Variants in DRAM1 observed in about 807,000 individuals in gnomAD.
DRAM1 encodes the protein DNA damage-regulated autophagy modulator protein 1.
Under a neutral mutation model 28.5 loss-of-function variants are expected in DRAM1, and 25 were observed. The observed-to-expected ratio is 0.88, with a 90% CI of 0.64 to 1.23. DRAM1 has a LOEUF of 1.23. Among genes scored for constraint, DRAM1 ranks in the 50% most tolerant of loss-of-function variants. The pLI is 0.00. For missense variants in DRAM1, 249 were observed against 299.2 expected, an observed-to-expected ratio of 0.83 and a Z score of 1.24; for synonymous variants, 113 against 114.2, an observed-to-expected ratio of 0.99 and a Z score of 0.07.
At chr12:101,885,988 T>C (rs1283923964) in intron 1 of DRAM1, among the ~76,000 whole-genome samples, 1 of 152,206 alleles carries the variant, frequency 6.6e-6, no homozygotes, top group Non-Finnish European at 1.5e-5. Context: ...ATTGGTTGAA[T>C]GTTGAACAAG....
At position 101,923,497 on chromosome 12, in the gene DRAM1, C is replaced by CATGA. The variant is rs1159840323; in HGVS notation, c.*2251_*2254dup. The CATGA allele has an allele frequency of 6.6e-6, 1 of 152,156 alleles. No individual in the cohort carries two copies. Among genetic ancestry groups the CATGA allele is most frequent in the African/African-American group, 2.4e-5 (1 of 41,426 alleles). The allele number at this position is 152,156 out of a possible 1,614,324, so 9.4% of individuals were successfully genotyped here. A position where few individuals can be genotyped will look rare whatever the true frequency, so the allele number is the denominator to read the frequency against. Reference sequence around the variant, plus strand: ...GAGCTTAAGAAATACTCACTGAATGCATGAATGAATGAATGAACAAATGAA... The same window carrying CATGA: ...GAGCTTAAGAAATACTCACTGAATGCATGAATGAATGAATGAATGAACAAATGAA... On this transcript the variant is annotated 3_prime_UTR_variant, in exon 7 of 7. Coordinates refer to ENST00000258534, the MANE Select transcript of DRAM1 (RefSeq NM_018370.3).
chr12:101,895,468 A>G (rs1873324878), intron 1 of DRAM1, among the ~76,000 whole-genome samples: 1 of 151,006 alleles, frequency 6.6e-6, no homozygotes, highest in African/African-American at 2.4e-5. Context: ...ATGAGCCACT[A>G]TACCCAGCCT....
chr12:101,886,945 A>G (rs1440787567), intron 1 of DRAM1, among the ~76,000 whole-genome samples: 2 of 152,152 alleles, frequency 1.3e-5, no homozygotes, highest in African/African-American at 4.8e-5. Context: ...CAGGAGTTCA[A>G]TACCAGCCTG....
chr12:101,888,594 A>C (rs369150300), intron 1 of DRAM1, among the ~76,000 whole-genome samples: 85 of 152,184 alleles, frequency 5.6e-4, no homozygotes, highest in African/African-American at 1.9e-3. Context: ...GTTCAGCCTG[A>C]GTCTACTGTA....
chr12:101,905,263 T>G (rs146408651), intron 3 of DRAM1, among the ~76,000 whole-genome samples: 20 of 152,276 alleles, frequency 1.3e-4, no homozygotes, highest in African/African-American at 3.6e-4. Flanking sequence ...TCTTATTTAT[T>G]TATTTATTTG....
At chr12:101,904,192 A>G (rs181716344) in intron 3 of DRAM1, among the ~76,000 whole-genome samples, 3 of 151,942 alleles carry the variant, frequency 2.0e-5, no homozygotes, top group Non-Finnish European at 2.9e-5. Context: ...GCGTTTCGCC[A>G]TGTTGGCCAG....
intron 1 of DRAM1, among the ~76,000 whole-genome samples, chr12:101,887,342 C>A (rs1174230255): frequency 6.6e-6 from 1 of 151,946 alleles, no homozygotes; most frequent in East Asian, 1.9e-4. Flanking sequence ...TTTAAAGAAA[C>A]CAAAATTGGA....
chr12:101,885,085 C>T (rs930242582), intron 1 of DRAM1, among the ~76,000 whole-genome samples: 1 of 152,096 alleles, frequency 6.6e-6, no homozygotes, highest in Admixed American at 6.6e-5. Flanking sequence ...AGGCATGTGC[C>T]ACCACGCCCG....
At chr12:101,901,202 A>G (rs1364530945) in intron 2 of DRAM1, 89 bp from the exon 3 acceptor site, 1 of 1,471,536 alleles carries the variant, frequency 6.8e-7, no homozygotes, top group Non-Finnish European at 9.2e-7. Context: ...CAATCAGTAC[A>G]TTTTTAAAAA....
intron 2 of DRAM1, among the ~76,000 whole-genome samples, chr12:101,898,144 C>T (rs1199603855): frequency 5.3e-5 from 8 of 152,208 alleles, no homozygotes; most frequent in South Asian, 4.1e-4. Flanking sequence ...CCTCAGCCTC[C>T]GGAGTAGCTG....
intron 4 of DRAM1, 101 bp downstream of exon 4, chr12:101,908,464 T>G (rs973980905): frequency 2.6e-5 from 32 of 1,229,480 alleles, no homozygotes; most frequent in Admixed American, 2.1e-4. Context: ...CTGCAATGAG[T>G]TCTGACAGCA....
In DRAM1 at chr12:101,908,300, A is replaced by C. The variant is rs1873901084; in HGVS notation, c.457A>C (p.Ser153Arg). The change falls in exon 4 of 7, where the codon AGT becomes CGT. Residue 153 changes from serine (S) to arginine (R), a missense_variant. Coordinates refer to ENST00000258534, the MANE Select transcript of DRAM1 (RefSeq NM_018370.3). ...TTACAAATCATGTCCCCAGTGGAAC[A>C]GTCTCTCGACATGCCACATACGGAT... ...ISYKSCPQWN[S>R]LSTCHIRMVI... 1 of 1,614,178 alleles carries C rather than the reference A, an allele frequency of 6.2e-7. No homozygotes were observed. The highest frequency in any genetic ancestry group is 2.2e-5 in the East Asian group (1 of 44,882).
intron 2 of DRAM1, 53 bp downstream of exon 2, chr12:101,897,983 A>G (rs957395716): frequency 6.8e-6 from 7 of 1,032,268 alleles, no homozygotes; most frequent in Non-Finnish European, 1.0e-5. Flanking sequence ...ATTCCAAGTG[A>G]AGTTGATGTG....
intron 4 of DRAM1, among the ~76,000 whole-genome samples, chr12:101,909,919 G>A (rs1045958493): frequency 6.6e-6 from 1 of 152,158 alleles, no homozygotes; most frequent in African/African-American, 2.4e-5. Context: ...GATGACTAAT[G>A]TCAGATTGTA....
chr12:101,898,796 G>A (rs1038916172), intron 2 of DRAM1, among the ~76,000 whole-genome samples: 18 of 152,206 alleles, frequency 1.2e-4, no homozygotes, highest in African/African-American at 4.3e-4. Context: ...AAAGGGGACA[G>A]GTGGAGCAAG....
chr12:101,906,876 A>T (rs1873834572), intron 3 of DRAM1, among the ~76,000 whole-genome samples: 2 of 147,894 alleles, frequency 1.4e-5, no homozygotes, highest in African/African-American at 2.6e-5. Flanking sequence ...AAAAAAAAGA[A>T]AAGAAAAGAA....
chr12:101,880,022 A>G (rs1354263092), intron 1 of DRAM1, among the ~76,000 whole-genome samples: 1 of 150,406 alleles, frequency 6.6e-6, no homozygotes, highest in East Asian at 2.0e-4. Context: ...GAGCTGCTCT[A>G]CCTGCAGTGC....
At chr12:101,894,559 G>A (rs1873275013) in intron 1 of DRAM1, among the ~76,000 whole-genome samples, 1 of 152,026 alleles carries the variant, frequency 6.6e-6, no homozygotes, top group Admixed American at 6.6e-5. Flanking sequence ...GCCTCCACCT[G>A]TATGGTTTTA....
chr12:101,899,681 C>CAAAAAA (rs55642593), intron 2 of DRAM1, among the ~76,000 whole-genome samples: 1 of 102,744 alleles, frequency 9.7e-6, no homozygotes, highest in Non-Finnish European at 2.1e-5. Flanking sequence ...CCTGTCTCCA[C>CAAAAAA]AAAAAAAAAA....
Sources: gnomAD v4.1 joint callset for allele counts (sites outside exome capture counted in the v4.1 genomes callset) on GRCh38, gnomAD v4.1.1 for gene constraint, MANE v1.5 for transcripts, NCBI Gene and HGNC (gene_info 2026-07-23, HGNC 2026-07-21) for gene names.